Variants in PLPPR4 observed in about 807,000 individuals in gnomAD.
The protein encoded by PLPPR4 is phospholipid phosphatase related 4, also known as phospholipid phosphatase-related protein type 4.
Under a neutral mutation model 56.6 loss-of-function variants are expected in PLPPR4, and 24 were observed. The ratio of observed to expected loss-of-function variants is 0.42; its 90% CI spans 0.31 to 0.60. The LOEUF (loss-of-function observed/expected upper bound fraction) is 0.60. Among genes scored for constraint, PLPPR4 ranks in the 20% least tolerant of loss-of-function variants. PLPPR4 has a pLI of 0.13. For synonymous variants in PLPPR4, 326 were observed against 328.1 expected (o/e 0.99, Z 0.07); for missense variants, 654 against 885.8 (o/e 0.74, Z 3.32).
intron 1 of PLPPR4, among the ~76,000 whole-genome samples, chr1:99,266,012 T>G (rs1464728188): frequency 1.3e-5 from 2 of 152,216 alleles, no homozygotes; most frequent in Non-Finnish European, 2.9e-5. Flanking sequence ...ATGAATCCAT[T>G]TATTATCCTT....
At chr1:99,303,227 T>C (rs1352626552) in intron 6 of PLPPR4, among the ~76,000 whole-genome samples, 1 of 151,546 alleles carries the variant, frequency 6.6e-6, no homozygotes, top group African/African-American at 2.4e-5. Context: ...AAAGAGCAAG[T>C]GGAAGTGGAA....
At chr1:99,267,874 A>G (rs1658944616) in intron 1 of PLPPR4, among the ~76,000 whole-genome samples, 2 of 152,262 alleles carry the variant, frequency 1.3e-5, no homozygotes, top group African/African-American at 4.8e-5. Context: ...AACCATTTAT[A>G]AAGTACTTAG....
intron 1 of PLPPR4, among the ~76,000 whole-genome samples, chr1:99,269,744 C>T (rs919065724): frequency 6.6e-6 from 1 of 152,122 alleles, no homozygotes; most frequent in Non-Finnish European, 1.5e-5. Context: ...TTATGCTTGA[C>T]CTATATGCAA....
At chr1:99,264,383 G>C (rs1658834002), upstream of PLPPR4, 8 of 1,328,122 alleles carry the variant, frequency 6.0e-6, no homozygotes, top group Non-Finnish European at 8.0e-6. Context: ...GGGAGGAAGA[G>C]GACTGGCCCG....
chr1:99,300,763 C>T, intron 4 of PLPPR4, 146 bp from the exon 5 acceptor site: 1 of 645,524 alleles, frequency 1.5e-6, no homozygotes, highest in East Asian at 2.6e-5. Flanking sequence ...TAAGGTCTTT[C>T]ACCAGAAAGC....
chr1:99,266,196 A>G (rs1467549585), intron 1 of PLPPR4, among the ~76,000 whole-genome samples: 1 of 152,244 alleles, frequency 6.6e-6, no homozygotes, highest in East Asian at 1.9e-4. Flanking sequence ...CACTTGTCGC[A>G]TGGCTAATCC....
chr1:99,284,801 T>G (rs1009700525), intron 1 of PLPPR4, among the ~76,000 whole-genome samples: 1 of 152,152 alleles, frequency 6.6e-6, no homozygotes, highest in Non-Finnish European at 1.5e-5. Context: ...TATGTATATA[T>G]AGAGATACAT....
At chr1:99,305,656 G>A (rs1660003576) in intron 6 of PLPPR4, 29 bp from the exon 7 acceptor site, 1 of 1,589,170 alleles carries the variant, frequency 6.3e-7, no homozygotes, top group Admixed American at 1.7e-5. Flanking sequence ...TCTAGTGCAT[G>A]ATATTTATTG....
At chr1:99,294,725 T>C (rs2100803957) in intron 2 of PLPPR4, among the ~76,000 whole-genome samples, 1 of 150,998 alleles carries the variant, frequency 6.6e-6, no homozygotes, top group South Asian at 2.1e-4. Flanking sequence ...TCCTGAAATC[T>C]CAAGGTCTCA....
intron 1 of PLPPR4, among the ~76,000 whole-genome samples, chr1:99,286,212 C>T (rs964862405): frequency 6.6e-6 from 1 of 152,134 alleles, no homozygotes; most frequent in Non-Finnish European, 1.5e-5. Flanking sequence ...AAAAATTATT[C>T]ATTGCTATCT....
chr1:99,264,349 A>G, upstream of PLPPR4: 1 of 1,021,386 alleles, frequency 9.8e-7, no homozygotes, highest in Non-Finnish European at 1.4e-6. Context: ...TCGCCAGAAA[A>G]ACGGGGAGCA....
At chr1:99,281,592 C>T (rs1472874661) in intron 1 of PLPPR4, among the ~76,000 whole-genome samples, 4 of 151,940 alleles carry the variant, frequency 2.6e-5, no homozygotes, top group Non-Finnish European at 5.9e-5. Context: ...GTATTAGCTA[C>T]AAGGCAAAAA....
chr1:99,280,922 T>G (rs982656252), intron 1 of PLPPR4, among the ~76,000 whole-genome samples: 2 of 152,070 alleles, frequency 1.3e-5, no homozygotes, highest in Non-Finnish European at 2.9e-5. Flanking sequence ...TCTAAAAAAT[T>G]TGCACTTTAT....
chr1:99,263,306 C>A (rs945414399), upstream of PLPPR4, among the ~76,000 whole-genome samples: 5 of 152,036 alleles, frequency 3.3e-5, no homozygotes, highest in South Asian at 8.3e-4. Flanking sequence ...AATTGGGAGG[C>A]GGAAACAAGC....
At chr1:99,264,711 G>GCATAA (rs1658847624) in intron 1 of PLPPR4, 40 bp downstream of exon 1, 4 of 1,544,906 alleles carry the variant, frequency 2.6e-6, no homozygotes, top group Non-Finnish European at 3.5e-6. Flanking sequence ...CAGATCCTCT[G>GCATAA]GGCATCTCCT....
In PLPPR4 at chr1:99,300,927, A is replaced by G. The variant is rs1260836885; in HGVS notation, c.609A>G (p.Gln203=). 6.2e-7 allele frequency: 1 copy of G among 1,612,302 alleles called. No individual in the cohort carries two copies. Among genetic ancestry groups the G allele is most frequent in the African/African-American group, 1.3e-5 (1 of 74,846 alleles). The change falls in exon 5 of 7, where the codon CAA becomes CAG. Residue 203 remains glutamine, a synonymous_variant. Coordinates refer to ENST00000370185, the MANE Select transcript of PLPPR4 (RefSeq NM_014839.5). ...TTGGCAGAAAGTCCTTCCCTTCTCA[A>G]CATGCAACCCTTGCTGCCTTTGCAG... The part of the protein sequence containing the change: ...INSGRKSFPS[Q]HATLAAFAAV...
intron 4 of PLPPR4, among the ~76,000 whole-genome samples, chr1:99,300,462 C>T (rs1449282199): frequency 1.3e-5 from 2 of 151,920 alleles, no homozygotes; most frequent in African/African-American, 4.8e-5. Context: ...GATCCAATGC[C>T]ATGAGAAAAT....
At chr1:99,297,754 G>A (rs1659778769) in intron 3 of PLPPR4, among the ~76,000 whole-genome samples, 1 of 152,014 alleles carries the variant, frequency 6.6e-6, no homozygotes, top group African/African-American at 2.4e-5. Context: ...GAGATGATAA[G>A]AAAACAATAG....
Position 99,306,906 on chromosome 1 carries a change from A to G in PLPPR4, c.2044A>G (p.Arg682Gly). Residue 682 changes from arginine to glycine, a missense_variant, in exon 7 of 7, where the codon AGA becomes GGA. This residue lies in a region of PLPPR4 where 468 missense variants were observed against 554.3 expected (regional missense o/e 0.84). Coordinates refer to ENST00000370185, the MANE Select transcript of PLPPR4 (RefSeq NM_014839.5). This position sits in a 1 kb window ranked among gnomAD's most constrained non-coding sequence, Gnocchi z 4.0. The part of the protein sequence containing the change: ...ISSSRDSTLR[R>G]KGNIILIPER... ...TTCTTCCCGCGACTCCACCCTGCGG[A>G]GAAAGGGCAATATCATTCTAATCCC... 6.2e-7 allele frequency: 1 copy of G among 1,614,144 alleles called. No homozygotes were observed. Among genetic ancestry groups the G allele is most frequent in the African/African-American group, 1.3e-5 (1 of 75,030 alleles).
Sources: gnomAD v4.1 joint callset for allele counts (sites outside exome capture counted in the v4.1 genomes callset) on GRCh38, gnomAD v4.1.1 for gene constraint, gnomAD v4.1.1 regional missense constraint, Gnocchi (gnomAD v3.1) non-coding constraint, MANE v1.5 for transcripts, NCBI Gene and HGNC (gene_info 2026-07-23, HGNC 2026-07-21) for gene names.